KDM2A: variants seen among roughly 807,000 people sequenced by gnomAD.
KDM2A encodes the protein lysine demethylase 2A, also known as lysine-specific demethylase 2A.
KDM2A carries 3 observed loss-of-function variants against 137.3 expected under a neutral mutation model. The observed-to-expected ratio is 0.02, with a 90% CI of 0.01 to 0.06. The LOEUF (loss-of-function observed/expected upper bound fraction) is 0.06, where lower values mean the gene tolerates loss of function less well. Among genes scored for constraint, KDM2A ranks in the 10% least tolerant of loss-of-function variants. The probability of loss-of-function intolerance (pLI) is 1.00; values close to 1 mark genes in which losing one functional copy is unlikely to be tolerated. For missense variants in KDM2A, 738 were observed against 1,510.6 expected, an observed-to-expected ratio of 0.49 and a Z score of 8.48; for synonymous variants, 512 against 541.5, an observed-to-expected ratio of 0.95 and a Z score of 0.76.
intron 4 of KDM2A, among the ~76,000 whole-genome samples, 193 bp downstream of exon 4, chr11:67,181,591 AC>A (rs1254027499): frequency 1.3e-5 from 2 of 151,356 alleles, no homozygotes; most frequent in East Asian, 3.9e-4. Flanking sequence ...ATATAGATGA[AC>A]CAAAAAAAAA....
chr11:67,144,114 G>T (rs1415807174), intron 2 of KDM2A, among the ~76,000 whole-genome samples: 1 of 151,090 alleles, frequency 6.6e-6, no homozygotes, highest in Non-Finnish European at 1.5e-5. Flanking sequence ...GGCTATTTTT[G>T]TATTTTTTTT....
At chr11:67,243,833 G>A (rs997333789) in intron 13 of KDM2A, 1 of 152,094 alleles carries the variant, frequency 6.6e-6, no homozygotes, top group South Asian at 2.1e-4. Flanking sequence ...AAAAGAAGAA[G>A]AAGAAAGGAA....
intron 2 of KDM2A, among the ~76,000 whole-genome samples, chr11:67,170,372 C>A (rs555869940): frequency 6.8e-6 from 1 of 146,844 alleles, no homozygotes; most frequent in Admixed American, 6.8e-5. Context: ...AATCCTTTAT[C>A]CTACCAAGCA....
chr11:67,189,077 C>CA (rs1486629917), intron 5 of KDM2A, among the ~76,000 whole-genome samples: 1 of 152,130 alleles, frequency 6.6e-6, no homozygotes, highest in Admixed American at 6.6e-5. Context: ...CTCACAGACA[C>CA]AGACAGAATC....
At chr11:67,218,256 A>T (rs998992175) in intron 9 of KDM2A, among the ~76,000 whole-genome samples, 6 of 152,168 alleles carry the variant, frequency 3.9e-5, no homozygotes, top group Non-Finnish European at 8.8e-5. Context: ...GTGCTCAGTC[A>T]GGGATGTTTT....
chr11:67,171,601 C>T (rs1325727980), intron 2 of KDM2A, among the ~76,000 whole-genome samples: 1 of 152,174 alleles, frequency 6.6e-6, no homozygotes, highest in Non-Finnish European at 1.5e-5. Context: ...TGTTTTTCTG[C>T]TATTACCCAA....
intron 2 of KDM2A, among the ~76,000 whole-genome samples, chr11:67,136,686 G>T (rs138909473): frequency 1.8e-4 from 28 of 152,284 alleles, no homozygotes; most frequent in East Asian, 1.7e-3. Flanking sequence ...GATGTTCAGG[G>T]GTTCTGGGGA....
At chr11:67,200,439 G>A (rs867407589) in intron 5 of KDM2A, among the ~76,000 whole-genome samples, 4 of 152,062 alleles carry the variant, frequency 2.6e-5, no homozygotes, top group African/African-American at 4.8e-5. Flanking sequence ...GGATGATCGC[G>A]ATCTCCTCAC....
Position 67,250,650 on chromosome 11 carries a change from G to C in KDM2A, c.2620G>C (p.Gly874Arg). 6.2e-7 allele frequency: 1 copy of C among 1,608,854 alleles called. No individual in the cohort carries two copies. The highest frequency in any genetic ancestry group is 8.5e-7 in the Non-Finnish European group (1 of 1,176,490). The change falls in exon 17 of 21, where the codon GGT becomes CGT. Residue 874 changes from glycine (G) to arginine (R), a missense_variant. Physicochemically the swap from Gly to Arg is moderately radical, Grantham distance 125. Around this residue, in one of 9 missense-constraint regions of KDM2A, gnomAD observed 244 missense variants for 324.6 expected, o/e 0.75. Transcript: ENST00000529006. This position sits in a 1 kb window ranked among gnomAD's most constrained non-coding sequence, Gnocchi z 7.1. ...GGAAGATGACAGTGCAGAGGAGGGGGGTGCAGCCAGGCTGAATGGCCGGGG... is the reference window on the plus strand; with the variant it reads ...GGAAGATGACAGTGCAGAGGAGGGGCGTGCAGCCAGGCTGAATGGCCGGGG... ...EEEDDSAEEG[G>R]AARLNGRGSW...
At chr11:67,148,451 TC>T (rs1404314071) in intron 2 of KDM2A, among the ~76,000 whole-genome samples, 1 of 147,648 alleles carries the variant, frequency 6.8e-6, no homozygotes, top group Non-Finnish European at 1.5e-5. Flanking sequence ...AAGGGTTTTT[TC>T]ATGGGGTAAA....
At chr11:67,151,168 A>G (rs1031359756) in intron 2 of KDM2A, among the ~76,000 whole-genome samples, 3 of 152,098 alleles carry the variant, frequency 2.0e-5, no homozygotes, top group African/African-American at 7.2e-5. Context: ...AGATACACAT[A>G]CATATATTGA....
chr11:67,122,780 A>G (rs982785656), intron 2 of KDM2A, among the ~76,000 whole-genome samples: 35 of 151,672 alleles, frequency 2.3e-4, no homozygotes, highest in Non-Finnish European at 4.6e-4. Flanking sequence ...GGTTCACACC[A>G]TTCTCCTGCC....
intron 1 of KDM2A, among the ~76,000 whole-genome samples, chr11:67,120,802 C>T (rs1326909492): frequency 6.6e-6 from 1 of 152,130 alleles, no homozygotes; most frequent in Non-Finnish European, 1.5e-5. Context: ...TCAGTTTGCC[C>T]TTCTTTCCTT....
At position 67,254,902 on chromosome 11, in the gene KDM2A, G is replaced by A. The variant is rs1460853171; in HGVS notation, c.3336G>A (p.Leu1112=). ...AGCNKLTDQT[L]IYLRRIANVT... ...GCAATAAATTGACAGACCAGACCCT[G>A]ATCTACCTACGGCGCATTGCCAACG... The change falls in exon 21 of 21, where the codon CTG becomes CTA. Residue 1112 remains leucine, a synonymous_variant. Transcript: ENST00000529006. This position sits in a 1 kb window ranked among gnomAD's most constrained non-coding sequence, Gnocchi z 4.7. 3 of 1,613,890 alleles carry A rather than the reference G, an allele frequency of 1.9e-6. No individual in the cohort carries two copies. Among genetic ancestry groups the A allele is most frequent in the Non-Finnish European group, 2.5e-6 (3 of 1,179,906 alleles).
intron 16 of KDM2A, 26 bp downstream of exon 16, chr11:67,248,396 C>G (rs1405893504): frequency 6.6e-7 from 1 of 1,524,038 alleles, no homozygotes. Flanking sequence ...CAGATTTGCA[C>G]TGTGACAGAA....
chr11:67,147,496 C>T (rs1158095516), intron 2 of KDM2A, among the ~76,000 whole-genome samples: 3 of 150,244 alleles, frequency 2.0e-5, no homozygotes, highest in African/African-American at 7.3e-5. Flanking sequence ...GAGCCGAGAT[C>T]GCGCCACTGC....
intron 2 of KDM2A, among the ~76,000 whole-genome samples, chr11:67,142,480 G>A (rs944206351): frequency 2.7e-5 from 4 of 146,982 alleles, no homozygotes; most frequent in African/African-American, 9.9e-5. Flanking sequence ...GTGAAACCCT[G>A]CCTCTACTAA....
rs928816908 is a variant in KDM2A, at chr11:67,136,183, A to G, written c.42+14825A>G. Among the ~76,000 whole-genome samples the G allele has an allele frequency of 3.3e-5, 5 of 152,238 alleles. No individual in the cohort carries two copies. The South Asian group carries it at 1.0e-3, about 32-fold the overall frequency. On this transcript the variant is annotated intron_variant, in intron 2 of 20. Coordinates refer to ENST00000529006, the MANE Select transcript of KDM2A (RefSeq NM_012308.3). Reference sequence around the variant, plus strand: ...TGCTTGGTACTGGCATTTTCGATATACTCACTAATTTAATTCTCAAGAACC... The same window carrying G: ...TGCTTGGTACTGGCATTTTCGATATGCTCACTAATTTAATTCTCAAGAACC...
At chr11:67,147,457 G>A (rs910851469) in intron 2 of KDM2A, among the ~76,000 whole-genome samples, 4 of 151,546 alleles carry the variant, frequency 2.6e-5, no homozygotes, top group African/African-American at 9.7e-5. Flanking sequence ...CAGGAGAATG[G>A]CATGAACCTG....
Sources: allele counts gnomAD v4.1 joint callset (sites outside exome capture counted in the v4.1 genomes callset), GRCh38; gene constraint gnomAD v4.1.1; regional missense constraint gnomAD v4.1.1; non-coding constraint Gnocchi (gnomAD v3.1); transcripts MANE v1.5; gene names NCBI Gene and HGNC (gene_info 2026-07-23, HGNC 2026-07-21).